The following GRIN2B variants were observed in gnomAD, a reference collection of about 807,000 sequenced individuals.
GRIN2B encodes the protein glutamate receptor ionotropic, NMDA 2B.
GRIN2B carries 5 observed loss-of-function variants against 114.5 expected under a neutral mutation model. The observed-to-expected ratio is 0.04, with a 90% confidence interval of 0.02 to 0.09. The LOEUF is 0.09. GRIN2B is among the 10% of genes least tolerant of loss of function. The pLI, the probability that GRIN2B is intolerant of heterozygous loss-of-function variation, is 1.00. For synonymous variants in GRIN2B, 787 were observed against 745.1 expected, an observed-to-expected ratio of 1.06 and a Z score of -0.92; for missense variants, 1,108 against 1,943.5, an observed-to-expected ratio of 0.57 and a Z score of 8.08.
Position 13,564,634 on chromosome 12 carries a change from G to T in GRIN2B, c.2604C>A (p.Ile868=). The part of the protein sequence containing the change: ...PGMVFSISRG[I]YSCIHGVAIE... ...TCGCCACCCCATGGATGCAGCTGTA[G>T]ATACCCTGAAGCAAGAATGGAGGGA... The change falls in exon 14 of 14, where the codon ATC becomes ATA. Residue 868 remains isoleucine, a synonymous_variant. Transcript: ENST00000609686. The surrounding 1 kb of genome is among the most constrained non-coding windows in gnomAD (Gnocchi z 4.8). The T allele has an allele frequency of 6.2e-7, 1 of 1,613,682 alleles. No individual in the cohort carries two copies. Among genetic ancestry groups the T allele is most frequent in the Non-Finnish European group, 8.5e-7 (1 of 1,179,972 alleles).
chr12:13,639,989 A>G, intron 5 of GRIN2B, among the ~76,000 whole-genome samples: 1 of 152,142 alleles, frequency 6.6e-6, no homozygotes. Context: ...AAGTCACATA[A>G]ACCTGGTTCA....
chr12:13,918,614 C>A (rs1298093663), intron 2 of GRIN2B, among the ~76,000 whole-genome samples: 1 of 152,214 alleles, frequency 6.6e-6, no homozygotes, highest in Admixed American at 6.5e-5. Context: ...CAACCAACCC[C>A]AGTTCCCTTT....
intron 5 of GRIN2B, among the ~76,000 whole-genome samples, chr12:13,654,109 T>G (rs1004292488): frequency 1.3e-5 from 2 of 152,166 alleles, no homozygotes; most frequent in Non-Finnish European, 2.9e-5. Context: ...AGGAATGCTG[T>G]GCCAGGGGTG....
chr12:13,624,330 C>T (rs1276194012), intron 5 of GRIN2B, among the ~76,000 whole-genome samples: 1 of 152,172 alleles, frequency 6.6e-6, no homozygotes, highest in Non-Finnish European at 1.5e-5. Context: ...ACTAGATCTC[C>T]CTCCAGTGTT....
At chr12:13,787,627 A>G (rs1864242402) in intron 3 of GRIN2B, among the ~76,000 whole-genome samples, 1 of 152,278 alleles carries the variant, frequency 6.6e-6, no homozygotes, top group Non-Finnish European at 1.5e-5. Flanking sequence ...TATGCAAATT[A>G]TCTAAGGATT....
At chr12:13,798,997 T>C (rs2300267) in intron 3 of GRIN2B, among the ~76,000 whole-genome samples, 75,085 of 152,080 alleles carry the variant, frequency 0.49, 20,262 homozygotes, top group Non-Finnish European at 0.61. Context: ...TGTTAGTGTT[T>C]GACATTTGTT....
intron 4 of GRIN2B, among the ~76,000 whole-genome samples, chr12:13,718,411 C>A (rs142272219): frequency 2.3e-3 from 347 of 151,886 alleles, no homozygotes; most frequent in African/African-American, 7.4e-3. Context: ...TCAAGTGCTG[C>A]GGAGGAAGTA....
chr12:13,950,427 C>G (rs1867459855), intron 2 of GRIN2B, among the ~76,000 whole-genome samples: 1 of 152,170 alleles, frequency 6.6e-6, no homozygotes, highest in Non-Finnish European at 1.5e-5. Context: ...TATTTCATCT[C>G]TTTAAGTTTA....
At chr12:13,836,984 C>T (rs1865281101) in intron 3 of GRIN2B, among the ~76,000 whole-genome samples, 1 of 152,178 alleles carries the variant, frequency 6.6e-6, no homozygotes, top group African/African-American at 2.4e-5. Context: ...ACTGCTATCC[C>T]CGGGCTCTCT....
At chr12:13,719,782 T>C (rs554448380) in intron 4 of GRIN2B, among the ~76,000 whole-genome samples, 1 of 152,230 alleles carries the variant, frequency 6.6e-6, no homozygotes, top group Non-Finnish European at 1.5e-5. Flanking sequence ...CAGGAGGAAA[T>C]TCTTTCGTTA....
chr12:13,718,050 G>A (rs912420818), intron 4 of GRIN2B, among the ~76,000 whole-genome samples: 1 of 151,888 alleles, frequency 6.6e-6, no homozygotes, highest in African/African-American at 2.4e-5. Flanking sequence ...TTCATTCCCT[G>A]CATCTCCTTA....
intron 4 of GRIN2B, among the ~76,000 whole-genome samples, chr12:13,684,188 C>A (rs991067235): frequency 2.0e-5 from 3 of 152,066 alleles, no homozygotes; most frequent in African/African-American, 7.2e-5. Flanking sequence ...GTTCACTTTC[C>A]AAGGAAGGCA....
chr12:13,668,208 C>G (rs879608101), intron 5 of GRIN2B, among the ~76,000 whole-genome samples: 9 of 152,192 alleles, frequency 5.9e-5, no homozygotes, highest in Non-Finnish European at 1.3e-4. Context: ...TCTGCTTTCT[C>G]TGTCCATCAG....
chr12:13,596,086 C>T (rs1448878778), intron 10 of GRIN2B, among the ~76,000 whole-genome samples: 2 of 151,950 alleles, frequency 1.3e-5, no homozygotes, highest in African/African-American at 4.8e-5. Context: ...TCCTCAGCTG[C>T]AGAGTCCTTC....
At chr12:13,693,672 C>A (rs1357705741) in intron 4 of GRIN2B, among the ~76,000 whole-genome samples, 1 of 152,140 alleles carries the variant, frequency 6.6e-6, no homozygotes, top group Admixed American at 6.5e-5. Context: ...TCATAGTATG[C>A]ATTTTAAATC....
At chr12:13,714,953 A>AT (rs1462002767) in intron 4 of GRIN2B, among the ~76,000 whole-genome samples, 1 of 151,918 alleles carries the variant, frequency 6.6e-6, no homozygotes, top group Non-Finnish European at 1.5e-5. Context: ...TCACTTCATT[A>AT]TTCAGATAAA....
intron 4 of GRIN2B, among the ~76,000 whole-genome samples, chr12:13,730,672 CG>C (rs1565516202): frequency 1.3e-5 from 2 of 152,046 alleles, no homozygotes; most frequent in Non-Finnish European, 2.9e-5. Flanking sequence ...TCCTACACCT[CG>C]TAATAGGGGG....
intron 5 of GRIN2B, among the ~76,000 whole-genome samples, chr12:13,625,362 T>C (rs960674955): frequency 6.6e-6 from 1 of 152,158 alleles, no homozygotes; most frequent in Non-Finnish European, 1.5e-5. Flanking sequence ...TGGTTGTGTC[T>C]AAAGGATTCA....
Position 13,562,854 on chromosome 12 carries a change from G to A in GRIN2B, c.4384C>T (p.Pro1462Ser), listed in dbSNP as rs780659331. Residue 1462 changes from proline (P) to serine (S), a missense_variant, in exon 14 of 14, where the codon CCC (proline) becomes TCC (serine). This residue lies in a region of GRIN2B where 478 missense variants were observed against 506.0 expected (regional missense o/e 0.94). Transcript: ENST00000609686. ...SNPCVPNNKN[P>S]RAFNGSSNGH... ...TTGCTGGAGCCATTGAAAGCCCTGG[G>A]GTTTTTGTTGTTAGGCACACAGGGG... is the stretch of plus-strand genomic sequence containing the variant. 2.5e-6 allele frequency: 4 copies of A among 1,614,008 alleles called. No individual in the cohort carries two copies. Among genetic ancestry groups the A allele is most frequent in the South Asian group, 2.2e-5 (2 of 91,088 alleles).
Sources: allele counts gnomAD v4.1 joint callset (sites outside exome capture counted in the v4.1 genomes callset), GRCh38; gene constraint gnomAD v4.1.1; regional missense constraint gnomAD v4.1.1; non-coding constraint Gnocchi (gnomAD v3.1); transcripts MANE v1.5; gene names NCBI Gene and HGNC (gene_info 2026-07-23, HGNC 2026-07-21).